Variants in CNTN5 observed in about 807,000 individuals in gnomAD.
CNTN5 encodes the protein contactin 5, also known as contactin-5.
In CNTN5, 77 loss-of-function variants were observed where a neutral mutation model predicts 129.1. The ratio of observed to expected loss-of-function variants is 0.60; its 90% confidence interval spans 0.50 to 0.72. The LOEUF is 0.72. CNTN5 is among the 30% of genes least tolerant of loss of function. The pLI is 0.00. For synonymous variants in CNTN5, 509 were observed against 465.6 expected (o/e 1.09, Z -1.20); for missense variants, 1,478 against 1,328.8 (o/e 1.11, Z -1.75).
chr11:100,160,339 G>A (rs1259745920), intron 13 of CNTN5, among the ~76,000 whole-genome samples: 2 of 151,912 alleles, frequency 1.3e-5, no homozygotes, highest in Non-Finnish European at 2.9e-5. Context: ...ATTTGGGTTG[G>A]TGCCAAGTCT....
intron 9 of CNTN5, among the ~76,000 whole-genome samples, chr11:100,049,374 A>G (rs1400407955): frequency 6.6e-6 from 1 of 152,126 alleles, no homozygotes; most frequent in Admixed American, 6.6e-5. Flanking sequence ...CACAAAAAAC[A>G]AAAGGCTGTA....
At chr11:99,215,386 C>T (rs1308619954) in intron 1 of CNTN5, among the ~76,000 whole-genome samples, 2 of 152,002 alleles carry the variant, frequency 1.3e-5, no homozygotes, top group African/African-American at 4.8e-5. Flanking sequence ...TGGATAACAG[C>T]TGAAATGATC....
chr11:100,171,256 G>A (rs531850869), intron 13 of CNTN5, among the ~76,000 whole-genome samples: 3 of 152,062 alleles, frequency 2.0e-5, no homozygotes, highest in Non-Finnish European at 4.4e-5. Context: ...ATCCCAGGTG[G>A]GGATATCAAA....
At chr11:99,060,511 A>T (rs1864830380) in intron 1 of CNTN5, among the ~76,000 whole-genome samples, 1 of 152,102 alleles carries the variant, frequency 6.6e-6, no homozygotes, top group South Asian at 2.1e-4. Context: ...TAACTAGCTT[A>T]TTATCAGGTT....
chr11:99,706,753 A>G (rs1954772047), intron 3 of CNTN5, among the ~76,000 whole-genome samples: 1 of 150,990 alleles, frequency 6.6e-6, no homozygotes, highest in Non-Finnish European at 1.5e-5. Context: ...GAAGACTTCT[A>G]CACTCTACTT....
intron 3 of CNTN5, among the ~76,000 whole-genome samples, chr11:99,789,164 A>G (rs1591181651): frequency 1.3e-5 from 2 of 151,980 alleles, no homozygotes; most frequent in African/African-American, 4.8e-5. Flanking sequence ...AAGCTGTTGT[A>G]GCAATATTAG....
At chr11:100,061,512 C>T in intron 10 of CNTN5, 119 bp downstream of exon 10, 1 of 688,858 alleles carries the variant, frequency 1.5e-6, no homozygotes, top group East Asian at 2.7e-5. Flanking sequence ...AATTTATAAT[C>T]ATACTTCATT....
Position 100,002,069 on chromosome 11 carries a change from C to A in CNTN5, c.913C>A (p.His305Asn), listed in dbSNP as rs768004391. ...AGAATATGAGCCGAAAATTGAGGTC[C>A]ATTTTCCTTTCACGGTTACAGCTGC... ...MGEYEPKIEV[H>N]FPFTVTAAKG... Residue 305 changes from histidine (H) to asparagine (N), a missense_variant, in exon 9 of 25, where the codon CAT becomes AAT. Coordinates refer to ENST00000524871, the MANE Select transcript of CNTN5 (RefSeq NM_014361.4). 1 of 1,598,568 alleles carries A rather than the reference C, an allele frequency of 6.3e-7. No homozygotes were observed. The highest frequency in any genetic ancestry group is 8.5e-7 in the Non-Finnish European group (1 of 1,175,414).
At chr11:100,121,722 T>C (rs1435279323) in intron 13 of CNTN5, among the ~76,000 whole-genome samples, 1 of 152,060 alleles carries the variant, frequency 6.6e-6, no homozygotes, top group Non-Finnish European at 1.5e-5. Flanking sequence ...GACCTAATAA[T>C]AGTGAATAAA....
chr11:99,972,726 T>C (rs1273128463), intron 8 of CNTN5, among the ~76,000 whole-genome samples: 1 of 152,112 alleles, frequency 6.6e-6, no homozygotes, highest in Non-Finnish European at 1.5e-5. Context: ...AAATGCACCA[T>C]CTGGACATAC....
At chr11:99,508,121 G>A (rs1204131855) in intron 2 of CNTN5, among the ~76,000 whole-genome samples, 1 of 152,184 alleles carries the variant, frequency 6.6e-6, no homozygotes, top group Non-Finnish European at 1.5e-5. Context: ...TGATAATGCT[G>A]TATAAAATGT....
At chr11:100,141,139 G>T (rs137863292) in intron 13 of CNTN5, among the ~76,000 whole-genome samples, 2 of 152,228 alleles carry the variant, frequency 1.3e-5, no homozygotes, top group African/African-American at 4.8e-5. Context: ...TGGTTGGGGG[G>T]AGGCATGTTA....
chr11:100,091,332 T>C (rs190288462), intron 13 of CNTN5, among the ~76,000 whole-genome samples: 8 of 151,874 alleles, frequency 5.3e-5, no homozygotes, highest in Admixed American at 1.3e-4. Context: ...ATTACCCCTA[T>C]CCTTGTTACT....
intron 2 of CNTN5, among the ~76,000 whole-genome samples, chr11:99,367,525 T>G (rs1490578078): frequency 6.6e-6 from 1 of 152,112 alleles, no homozygotes; most frequent in Non-Finnish European, 1.5e-5. Flanking sequence ...GGGATGCAAT[T>G]TAGCATACAG....
intron 6 of CNTN5, among the ~76,000 whole-genome samples, chr11:99,890,605 C>A (rs999082328): frequency 4.6e-5 from 7 of 151,840 alleles, no homozygotes; most frequent in Non-Finnish European, 7.4e-5. Context: ...GAAAGAATTA[C>A]TAAAAGGAGA....
At chr11:100,168,299 G>A (rs7926813) in intron 13 of CNTN5, among the ~76,000 whole-genome samples, 19,319 of 151,952 alleles carry the variant, frequency 0.13, 1,212 homozygotes, top group African/African-American at 0.15. Context: ...CCTTATTTTG[G>A]AAGAGGATGC....
At chr11:99,077,213 G>A (rs746340095) in intron 1 of CNTN5, among the ~76,000 whole-genome samples, 1 of 152,138 alleles carries the variant, frequency 6.6e-6, no homozygotes, top group Non-Finnish European at 1.5e-5. Flanking sequence ...GAAAATGTAA[G>A]GTTTAACAAA....
intron 3 of CNTN5, among the ~76,000 whole-genome samples, chr11:99,611,465 G>A (rs573828728): frequency 2.0e-5 from 3 of 152,204 alleles, no homozygotes; most frequent in Non-Finnish European, 4.4e-5. Context: ...GTATTTATCT[G>A]GCGGCTTAGA....
rs570391818 is a variant in CNTN5 at position 99,377,030 on chromosome 11, T to C, written c.-71+51546T>C. Among the ~76,000 whole-genome samples, 5 of 152,276 alleles carry C rather than the reference T, an allele frequency of 3.3e-5. No homozygotes were observed. The South Asian group carries it at 8.3e-4, about 25-fold the overall frequency. On this transcript the variant is annotated intron_variant, in intron 2 of 24. Coordinates refer to ENST00000524871, the MANE Select transcript of CNTN5 (RefSeq NM_014361.4). Reference sequence around the variant, plus strand: ...GTGTTTGGGCTTTTGCTGAGTGATATAAGGAAGGGCTTAAGAAAGGTTGGG... The same window carrying C: ...GTGTTTGGGCTTTTGCTGAGTGATACAAGGAAGGGCTTAAGAAAGGTTGGG...
Sources: gnomAD v4.1 joint callset for allele counts (sites outside exome capture counted in the v4.1 genomes callset) on GRCh38, gnomAD v4.1.1 for gene constraint, MANE v1.5 for transcripts, NCBI Gene and HGNC (gene_info 2026-07-23, HGNC 2026-07-21) for gene names.